Variants in KAT7 observed in about 807,000 individuals in gnomAD.
KAT7 encodes histone acetyltransferase KAT7.
Under a neutral mutation model 82.1 loss-of-function variants are expected in KAT7, and 10 were observed. The ratio of observed to expected loss-of-function variants is 0.12; its 90% CI spans 0.08 to 0.21. The LOEUF (loss-of-function observed/expected upper bound fraction) is 0.21, where lower values mean the gene tolerates loss of function less well. KAT7 is among the 10% of genes least tolerant of loss of function. The pLI is 1.00. For synonymous variants in KAT7, 250 were observed against 262.5 expected (o/e 0.95, Z 0.46); for missense variants, 378 against 760.9 (o/e 0.50, Z 5.92).
chr17:49,818,475 C>A (rs1355399520), intron 9 of KAT7, among the ~76,000 whole-genome samples: 3 of 152,160 alleles, frequency 2.0e-5, no homozygotes, highest in African/African-American at 7.2e-5. Flanking sequence ...TAATAGTGAT[C>A]AGCCTGTGAC....
rs2074403703 is a variant in KAT7 at position 49,829,350 on chromosome 17, A to G, written c.*1848A>G. 1 of 152,206 alleles carries G rather than the reference A, an allele frequency of 6.6e-6. No individual in the cohort carries two copies. The highest frequency in any genetic ancestry group is 1.5e-5 in the Non-Finnish European group (1 of 68,040). The allele number at this position is 152,206 out of a possible 1,614,324, so 9.4% of individuals were successfully genotyped here. A position where few individuals can be genotyped will look rare whatever the true frequency, so the allele number is the denominator to read the frequency against. On this transcript the variant is annotated 3_prime_UTR_variant, in exon 15 of 15. Coordinates refer to ENST00000259021, the MANE Select transcript of KAT7 (RefSeq NM_007067.5). ...GTTCCAGCTAATCAGTATACGTAGCAATGATTAGTCAGTATTACCCATTCT... is the reference window on the plus strand; with the variant it reads ...GTTCCAGCTAATCAGTATACGTAGCGATGATTAGTCAGTATTACCCATTCT...
Position 49,807,042 on chromosome 17 carries a change from A to T in KAT7, c.663+1597A>T, listed in dbSNP as rs555932844. Among the ~76,000 whole-genome samples, 3 of 152,308 alleles carry T rather than the reference A, an allele frequency of 2.0e-5. No homozygotes were observed. The East Asian group carries it at 5.8e-4, about 29-fold the overall frequency. On this transcript the variant is annotated intron_variant, in intron 5 of 14. Coordinates refer to ENST00000259021, the MANE Select transcript of KAT7 (RefSeq NM_007067.5). ...CATGATTGCTCTTGAGTTTCCCAGGACACCCTTGCGATCAGTGATGTTACA... is the reference window on the plus strand; with the variant it reads ...CATGATTGCTCTTGAGTTTCCCAGGTCACCCTTGCGATCAGTGATGTTACA...
At chr17:49,803,812 T>C (rs1034521580) in intron 4 of KAT7, among the ~76,000 whole-genome samples, 2 of 152,198 alleles carry the variant, frequency 1.3e-5, no homozygotes, top group Non-Finnish European at 2.9e-5. Flanking sequence ...GGACTGTTTT[T>C]TCCTTTTAAA....
intron 11 of KAT7, among the ~76,000 whole-genome samples, chr17:49,822,575 AAT>A (rs1208390815): frequency 6.6e-6 from 1 of 152,168 alleles, no homozygotes; most frequent in African/African-American, 2.4e-5. Flanking sequence ...ACTTTATTGA[AAT>A]ATAATTCATA....
At chr17:49,802,549 C>G (rs1427582912) in intron 4 of KAT7, among the ~76,000 whole-genome samples, 1 of 151,874 alleles carries the variant, frequency 6.6e-6, no homozygotes, top group Non-Finnish European at 1.5e-5. Flanking sequence ...GCTTGTAATC[C>G]CAGCTACTGG....
chr17:49,791,210 A>C (rs568560827), intron 1 of KAT7, among the ~76,000 whole-genome samples: 2 of 152,346 alleles, frequency 1.3e-5, no homozygotes, highest in East Asian at 1.9e-4. Flanking sequence ...GTTTTTAAAA[A>C]ATGTGATAGC....
chr17:49,790,861 T>C (rs2073878715), intron 1 of KAT7, among the ~76,000 whole-genome samples: 1 of 152,238 alleles, frequency 6.6e-6, no homozygotes, highest in African/African-American at 2.4e-5. Flanking sequence ...ACAGTGTGAA[T>C]CTTTGTATTG....
At chr17:49,819,770 T>C (rs1373172951) in intron 9 of KAT7, among the ~76,000 whole-genome samples, 1 of 152,212 alleles carries the variant, frequency 6.6e-6, no homozygotes, top group African/African-American at 2.4e-5. Context: ...TCTGAACAAA[T>C]AATAATTGTT....
chr17:49,807,635 G>C (rs894600657), intron 5 of KAT7, among the ~76,000 whole-genome samples: 2 of 152,194 alleles, frequency 1.3e-5, no homozygotes, highest in African/African-American at 4.8e-5. Context: ...ACTTGTTAAC[G>C]TGGAGAATGG....
intron 9 of KAT7, among the ~76,000 whole-genome samples, chr17:49,820,338 A>G (rs1162048053): frequency 1.3e-5 from 2 of 150,130 alleles, no homozygotes; most frequent in Non-Finnish European, 3.0e-5. Context: ...CTTAGGCTGG[A>G]GTGCAGTGGT....
chr17:49,816,463 A>G (rs562893341), intron 8 of KAT7, among the ~76,000 whole-genome samples: 1 of 152,322 alleles, frequency 6.6e-6, no homozygotes, highest in Non-Finnish European at 1.5e-5. Context: ...TCCTAGGCAG[A>G]ATTTTTAACA....
intron 1 of KAT7, among the ~76,000 whole-genome samples, chr17:49,790,576 T>C (rs1242005195): frequency 6.6e-6 from 1 of 152,244 alleles, no homozygotes; most frequent in Non-Finnish European, 1.5e-5. Context: ...TCTTTCTTAA[T>C]TTCCCAAATA....
intron 5 of KAT7, among the ~76,000 whole-genome samples, chr17:49,806,531 G>GC (rs1316058970): frequency 6.6e-6 from 1 of 152,122 alleles, no homozygotes; most frequent in African/African-American, 2.4e-5. Context: ...AAAAAGCTGT[G>GC]CCCACATCTA....
At chr17:49,803,299 A>T (rs1460873046) in intron 4 of KAT7, among the ~76,000 whole-genome samples, 2 of 147,868 alleles carry the variant, frequency 1.4e-5, no homozygotes, top group Non-Finnish European at 3.0e-5. Context: ...TTAAGTAGAG[A>T]TGGAGTCTCA....
At chr17:49,823,960 T>G (rs1302864661) in intron 12 of KAT7, among the ~76,000 whole-genome samples, 2 of 152,194 alleles carry the variant, frequency 1.3e-5, no homozygotes, top group Non-Finnish European at 2.9e-5. Flanking sequence ...ATGTGTCTGG[T>G]GTTCCTAATC....
chr17:49,802,250 G>A (rs187356702), intron 4 of KAT7, among the ~76,000 whole-genome samples: 1 of 152,266 alleles, frequency 6.6e-6, no homozygotes, highest in Non-Finnish European at 1.5e-5. Context: ...TAGCAAATCT[G>A]TAGGATAAAT....
rs572718341 is a variant in KAT7, at chr17:49,828,950, T to C, written c.*1448T>C. ...AGTGGCAGCTCCCCTCCAGTTTCAG[T>C]GTCACTGTTAAAATTTATCAAAAAG... On this transcript the variant is annotated 3_prime_UTR_variant, in exon 15 of 15. Transcript: ENST00000259021. 2 of 153,058 alleles carry C rather than the reference T, an allele frequency of 1.3e-5. No individual in the cohort carries two copies. Among genetic ancestry groups the C allele is most frequent in the East Asian group, 3.9e-4 (2 of 5,192 alleles). The allele number at this position is 153,058 out of a possible 1,614,324, so 9.5% of individuals were successfully genotyped here.
rs1480193087 is a variant in KAT7, at chr17:49,832,822, A to C, written c.*5320A>C. 6.6e-6 allele frequency: 1 copy of C among 152,242 alleles called. No homozygotes were observed. The highest frequency in any genetic ancestry group is 1.5e-5 in the Non-Finnish European group (1 of 68,054). The allele number at this position is 152,242 out of a possible 1,614,324, so 9.4% of individuals were successfully genotyped here. On this transcript the variant is annotated 3_prime_UTR_variant, in exon 15 of 15. Transcript: ENST00000259021. ...TATGAAAACTACTTTGCTGAATGATAGTATGTGATGTGTGCTAGGACTTCT... is the reference window on the plus strand; with the variant it reads ...TATGAAAACTACTTTGCTGAATGATCGTATGTGATGTGTGCTAGGACTTCT...
In KAT7 at chr17:49,834,449, T is replaced by G. The variant is rs780172534; in HGVS notation, c.*6947T>G. 3.3e-5 allele frequency: 5 copies of G among 152,296 alleles called. No individual in the cohort carries two copies. The highest frequency in any genetic ancestry group is 4.8e-5 in the African/African-American group (2 of 41,480). 9.4% of individuals were successfully genotyped at this position (152,296 alleles called of 1,614,324 possible). A position where few individuals can be genotyped will look rare whatever the true frequency, so the allele number is the denominator to read the frequency against. ...CATGAGCCGCTGCGCCCAACCTTCT[T>G]CTGCTGTCGAGATACTGCTCATCAC... is the stretch of plus-strand genomic sequence containing the variant. On this transcript the variant is annotated 3_prime_UTR_variant, in exon 15 of 15. Coordinates refer to ENST00000259021, the MANE Select transcript of KAT7 (RefSeq NM_007067.5).
Sources: allele counts gnomAD v4.1 joint callset (sites outside exome capture counted in the v4.1 genomes callset), GRCh38; gene constraint gnomAD v4.1.1; transcripts MANE v1.5; gene names NCBI Gene and HGNC (gene_info 2026-07-23, HGNC 2026-07-21).